EFR3B: variants seen among roughly 807,000 people sequenced by gnomAD.
EFR3B encodes the protein protein EFR3 homolog B.
Under a neutral mutation model 104.7 loss-of-function variants are expected in EFR3B, and 64 were observed. The ratio of observed to expected loss-of-function variants is 0.61; its 90% CI spans 0.50 to 0.75. EFR3B has a LOEUF of 0.75. EFR3B is among the 30% of genes least tolerant of loss of function. The pLI is 0.00. For missense variants in EFR3B, 750 were observed against 1,078.5 expected (o/e 0.70, Z 4.27); for synonymous variants, 385 against 417.9 (o/e 0.92, Z 0.96).
Position 25,154,224 on chromosome 2 carries a change from C to T in EFR3B, c.2349-11C>T, listed in dbSNP as rs1386859817. ...TTCATGCCTTTCTCCCCATGTGTTC[C>T]TGCCCCCTAGGCCCCCACCAAGCCC... On this transcript the variant is annotated splice_polypyrimidine_tract_variant and intron_variant, in intron 22 of 22. Coordinates refer to ENST00000403714, the MANE Select transcript of EFR3B (RefSeq NM_014971.2). This position sits in a 1 kb window ranked among gnomAD's most constrained non-coding sequence, Gnocchi z 4.1. 6.4e-7 allele frequency: 1 copy of T among 1,551,436 alleles called. No homozygotes were observed. Among genetic ancestry groups the T allele is most frequent in the East Asian group, 2.4e-5 (1 of 40,922 alleles).
chr2:25,075,767 A>T (rs142472806), intron 1 of EFR3B, among the ~76,000 whole-genome samples: 1 of 152,338 alleles, frequency 6.6e-6, no homozygotes, highest in African/African-American at 2.4e-5. Flanking sequence ...TATCAACCTC[A>T]TAGGGTTTTT....
chr2:25,055,172 C>G (rs1336712608), intron 1 of EFR3B, among the ~76,000 whole-genome samples: 1 of 152,248 alleles, frequency 6.6e-6, no homozygotes, highest in Non-Finnish European at 1.5e-5. Context: ...CTGTTCACTC[C>G]ATTGCCTCCT....
intron 1 of EFR3B, among the ~76,000 whole-genome samples, chr2:25,046,807 T>C (rs985146346): frequency 6.6e-6 from 1 of 152,186 alleles, no homozygotes; most frequent in Admixed American, 6.5e-5. Context: ...CCGGCCGAAG[T>C]ACAAAGTCTT....
chr2:25,135,827 G>A (rs1405914289), intron 13 of EFR3B, among the ~76,000 whole-genome samples, 188 bp downstream of exon 13: 1 of 152,136 alleles, frequency 6.6e-6, no homozygotes, highest in Non-Finnish European at 1.5e-5. Flanking sequence ...GTTGACCCTG[G>A]GGTCCTGCAA....
chr2:25,046,620 C>T (rs1347483914), intron 1 of EFR3B, among the ~76,000 whole-genome samples: 1 of 150,034 alleles, frequency 6.7e-6, no homozygotes, highest in African/African-American at 2.4e-5. Context: ...TCTCCTGCCT[C>T]AGCCTCCCAA....
intron 1 of EFR3B, among the ~76,000 whole-genome samples, chr2:25,071,616 A>G (rs1209148279): frequency 6.6e-6 from 1 of 152,116 alleles, no homozygotes; most frequent in Non-Finnish European, 1.5e-5. Context: ...TAACTTTCAT[A>G]GTTTTGGTCC....
intron 5 of EFR3B, among the ~76,000 whole-genome samples, chr2:25,122,981 G>A (rs1263390883): frequency 2.6e-5 from 4 of 152,122 alleles, no homozygotes; most frequent in Admixed American, 1.3e-4. Flanking sequence ...TACGGGATAC[G>A]CTTTTACATA....
intron 19 of EFR3B, 50 bp from the exon 20 acceptor site, chr2:25,149,644 C>T (rs1407929550): frequency 6.5e-7 from 1 of 1,541,758 alleles, no homozygotes; most frequent in Admixed American, 2.0e-5. Flanking sequence ...AGGGCTGCCT[C>T]CTTTCTCTGC....
At chr2:25,070,630 A>G (rs1668467344) in intron 1 of EFR3B, among the ~76,000 whole-genome samples, 1 of 152,222 alleles carries the variant, frequency 6.6e-6, no homozygotes, top group Admixed American at 6.5e-5. Context: ...ATGAAGGAGG[A>G]AAGCAGTGAA....
chr2:25,084,349 G>A (rs1171240100), intron 1 of EFR3B, among the ~76,000 whole-genome samples: 1 of 151,986 alleles, frequency 6.6e-6, no homozygotes, highest in Non-Finnish European at 1.5e-5. Context: ...CGATTCTTGT[G>A]CCTCCGCCTC....
chr2:25,125,160 T>A (rs1320975433), intron 5 of EFR3B, among the ~76,000 whole-genome samples: 1 of 152,206 alleles, frequency 6.6e-6, no homozygotes, highest in African/African-American at 2.4e-5. Context: ...GCTCTGGGTG[T>A]CACAGAATGA....
At chr2:25,066,736 A>G (rs1399507130) in intron 1 of EFR3B, among the ~76,000 whole-genome samples, 1 of 152,068 alleles carries the variant, frequency 6.6e-6, no homozygotes, top group African/African-American at 2.4e-5. Context: ...ACCTTCTACT[A>G]TGTCTAATGC....
intron 21 of EFR3B, among the ~76,000 whole-genome samples, chr2:25,153,048 G>C (rs1671057870): frequency 1.3e-5 from 2 of 152,134 alleles, no homozygotes; most frequent in South Asian, 2.1e-4. Context: ...GCTGCTCCTT[G>C]CAAGTTAGAA....
At chr2:25,065,081 G>C (rs1355129481) in intron 1 of EFR3B, among the ~76,000 whole-genome samples, 1 of 152,000 alleles carries the variant, frequency 6.6e-6, no homozygotes, top group African/African-American at 2.4e-5. Context: ...CCACCTGGCG[G>C]GGGGGGCGGG....
At position 25,139,148 on chromosome 2, in the gene EFR3B, T is replaced by C. The variant is rs745379466; in HGVS notation, c.1812T>C (p.Ser604=). 3 of 1,551,676 alleles carry C rather than the reference T, an allele frequency of 1.9e-6. No homozygotes were observed. The South Asian group carries it at 3.6e-5, about 18-fold the overall frequency. Reference sequence around the variant, plus strand: ...GCGCAGCCTACCTGAACCTCATCAGTCAGCTCACAACAGTGCCTGCCTTCT... The same window carrying C: ...GCGCAGCCTACCTGAACCTCATCAGCCAGCTCACAACAGTGCCTGCCTTCT... The part of the protein sequence containing the change: ...ALGAAYLNLI[S]QLTTVPAFCQ... Residue 604 remains serine, a synonymous_variant, in exon 16 of 23, where the codon AGT becomes AGC. Transcript: ENST00000403714.
intron 1 of EFR3B, among the ~76,000 whole-genome samples, chr2:25,083,447 C>CT (rs1668867364): frequency 6.6e-6 from 1 of 152,160 alleles, no homozygotes; most frequent in Non-Finnish European, 1.5e-5. Flanking sequence ...TACTTAGTGT[C>CT]TCGTTACAAT....
At chr2:25,074,849 T>G (rs1453528042) in intron 1 of EFR3B, among the ~76,000 whole-genome samples, 4 of 152,082 alleles carry the variant, frequency 2.6e-5, no homozygotes, top group African/African-American at 9.7e-5. Context: ...ACTCCTGACC[T>G]CAAGTGATCC....
chr2:25,150,326 C>T (rs1401285362), intron 20 of EFR3B, among the ~76,000 whole-genome samples: 2 of 145,788 alleles, frequency 1.4e-5, no homozygotes, highest in Admixed American at 6.8e-5. Flanking sequence ...AAAAGGCAAT[C>T]AGTTGATGGC....
chr2:25,138,982 A>G (rs1670589888), intron 15 of EFR3B, 77 bp from the exon 16 acceptor site: 3 of 1,517,468 alleles, frequency 2.0e-6, no homozygotes, highest in Non-Finnish European at 2.7e-6. Context: ...AAGATTGGGA[A>G]GAGGTCGGGT....
Sources: gnomAD v4.1 joint callset for allele counts (sites outside exome capture counted in the v4.1 genomes callset) on GRCh38, gnomAD v4.1.1 for gene constraint, Gnocchi (gnomAD v3.1) non-coding constraint, MANE v1.5 for transcripts, NCBI Gene and HGNC (gene_info 2026-07-23, HGNC 2026-07-21) for gene names.